The following CCM2 variants were observed in gnomAD, a reference collection of about 807,000 sequenced individuals.
The protein encoded by CCM2 is cerebral cavernous malformations 2 protein.
CCM2 carries 25 observed loss-of-function variants against 44.9 expected under a neutral mutation model. The observed-to-expected ratio is 0.56, with a 90% confidence interval of 0.41 to 0.78. The LOEUF is 0.78. CCM2 is among the 30% of genes least tolerant of loss of function. CCM2 has a pLI of 0.00. For missense variants in CCM2, 481 were observed against 580.6 expected (o/e 0.83, Z 1.76); for synonymous variants, 219 against 241.1 (o/e 0.91, Z 0.85).
chr7:45,073,094 C>G (rs1249953325), intron 7 of CCM2: 2 of 585,394 alleles, frequency 3.4e-6, no homozygotes, highest in Non-Finnish European at 6.1e-6. Context: ...CGCTGGCCTT[C>G]CAGCCCATCT....
rs1479105932 is a variant in CCM2, at chr7:45,074,120, T to C, written c.916-150T>C. The C allele has an allele frequency of 4.8e-5, 71 of 1,492,210 alleles. 2 individuals are homozygous for C. In the South Asian group the frequency reaches 8.1e-4, roughly 17 times the overall value. The allele number at this position is 1,492,210 out of a possible 1,614,324, so 92.4% of individuals were successfully genotyped here. ...CCAGGTCTGGTAGGATGGGGACACA[T>C]TGTGGTCATTCTGATGCCCCAGCCT... is the stretch of plus-strand genomic sequence containing the variant. On this transcript the variant is annotated intron_variant, in intron 8 of 9. Coordinates refer to ENST00000258781, the MANE Select transcript of CCM2 (RefSeq NM_031443.4).
intron 1 of CCM2, among the ~76,000 whole-genome samples, chr7:45,030,493 T>G (rs1187260770): frequency 6.6e-6 from 1 of 152,178 alleles, no homozygotes; most frequent in Non-Finnish European, 1.5e-5. Context: ...CTGGGTGCAG[T>G]GGTGTGATCA....
chr7:45,021,074 G>T (rs886228708), intron 1 of CCM2, among the ~76,000 whole-genome samples: 2 of 152,090 alleles, frequency 1.3e-5, no homozygotes, highest in African/African-American at 4.8e-5. Context: ...TGTGTCAGAA[G>T]GGCAGAGGTC....
chr7:45,023,236 T>G (rs1796550939), intron 1 of CCM2, among the ~76,000 whole-genome samples: 1 of 152,108 alleles, frequency 6.6e-6, no homozygotes, highest in Non-Finnish European at 1.5e-5. Context: ...CCAGACTTCT[T>G]TTTTTAAATG....
At chr7:45,020,127 T>A (rs1796427553) in intron 1 of CCM2, among the ~76,000 whole-genome samples, 1 of 152,184 alleles carries the variant, frequency 6.6e-6, no homozygotes, top group African/African-American at 2.4e-5. Flanking sequence ...GCTCCACTCC[T>A]CTGAGACTGG....
chr7:45,027,458 C>T (rs145153214), intron 1 of CCM2: 22 of 592,674 alleles, frequency 3.7e-5, no homozygotes, highest in Middle Eastern at 4.6e-4. Flanking sequence ...GTGGGGTTCG[C>T]GTGCTGTGGG....
At chr7:45,040,064 A>G (rs973519275) in intron 2 of CCM2, among the ~76,000 whole-genome samples, 2 of 151,348 alleles carry the variant, frequency 1.3e-5, no homozygotes, top group Non-Finnish European at 2.9e-5. Flanking sequence ...TTATTTATAT[A>G]TCTTTAAAAA....
intron 9 of CCM2, 35 bp downstream of exon 9, chr7:45,074,443 A>G: frequency 6.3e-7 from 1 of 1,589,138 alleles, no homozygotes. Flanking sequence ...GGCTTGTCCA[A>G]ACCTGGCTTG....
At chr7:45,021,799 T>C (rs1796492214) in intron 1 of CCM2, among the ~76,000 whole-genome samples, 1 of 152,018 alleles carries the variant, frequency 6.6e-6, no homozygotes, top group African/African-American at 2.4e-5. Flanking sequence ...GGAGTCATTG[T>C]TCCTGCTGTT....
intron 2 of CCM2, among the ~76,000 whole-genome samples, chr7:45,053,878 C>T (rs1285385185): frequency 3.9e-5 from 6 of 152,170 alleles, no homozygotes; most frequent in Non-Finnish European, 1.5e-5. Flanking sequence ...CTGAGCCTTT[C>T]GATACCTGGA....
chr7:45,022,477 T>G (rs1796520318), intron 1 of CCM2, among the ~76,000 whole-genome samples: 1 of 151,108 alleles, frequency 6.6e-6, no homozygotes, highest in Non-Finnish European at 1.5e-5. Flanking sequence ...CGGCTAATTT[T>G]TTGTATTTTT....
At chr7:45,073,263 C>G (rs527733102) in intron 7 of CCM2, 197 bp from the exon 8 acceptor site, 2 of 626,158 alleles carry the variant, frequency 3.2e-6, no homozygotes, top group South Asian at 3.6e-5. Context: ...AGCCATGCCC[C>G]CGGGGAGCCC....
intron 1 of CCM2, among the ~76,000 whole-genome samples, chr7:45,007,789 T>TG (rs150082941): frequency 0.12 from 17,503 of 152,172 alleles, 1,702 homozygotes; most frequent in African/African-American, 0.26. Flanking sequence ...CCTAAACCCG[T>TG]GGTGTCACTG....
At chr7:45,002,537 G>A (rs1010073688) in intron 1 of CCM2, among the ~76,000 whole-genome samples, 2 of 149,366 alleles carry the variant, frequency 1.3e-5, no homozygotes, top group Admixed American at 6.7e-5. Context: ...TCAGACACTT[G>A]TCTTGGTGTC....
At position 45,075,792 on chromosome 7, in the gene CCM2, T is replaced by A. The variant is rs1183997641; in HGVS notation, c.1070T>A (p.Ile357Asn). The A allele has an allele frequency of 6.2e-7, 1 of 1,613,510 alleles. No homozygotes were observed. Among genetic ancestry groups the A allele is most frequent in the Non-Finnish European group, 8.5e-7 (1 of 1,180,012 alleles). The change falls in exon 10 of 10, where the codon ATC (isoleucine) becomes AAC (asparagine). Residue 357 changes from isoleucine (I) to asparagine (N), a missense_variant. Coordinates refer to ENST00000258781, the MANE Select transcript of CCM2 (RefSeq NM_031443.4). ...KFLLLGLRPF[I>N]PEKDSQHFEN... ...GTGTCTGCAGGTCTGAGGCCCTTCATCCCTGAGAAGGACAGCCAGCACTTC... is the reference window on the plus strand; with the variant it reads ...GTGTCTGCAGGTCTGAGGCCCTTCAACCCTGAGAAGGACAGCCAGCACTTC...
In CCM2 at chr7:45,076,303, T is replaced by G; in HGVS notation, c.*246T>G. On this transcript the variant is annotated 3_prime_UTR_variant, in exon 10 of 10. Transcript: ENST00000258781. The stretch of plus-strand genomic sequence containing the variant: ...CAGGGCTCAGCCAAGCCCTGCAGTG[T>G]GTCCCCGCTCGGGGAGGGCCCGGCC... 1 of 677,620 alleles carries G rather than the reference T, an allele frequency of 1.5e-6. No individual in the cohort carries two copies. Among genetic ancestry groups the G allele is most frequent in the East Asian group, 2.9e-5 (1 of 34,206 alleles). The allele number at this position is 677,620 out of a possible 1,614,324, so 42.0% of individuals were successfully genotyped here. A position where few individuals can be genotyped will look rare whatever the true frequency, so the allele number is the denominator to read the frequency against.
chr7:45,073,949 A>G (rs553282259), intron 8 of CCM2: 180 of 530,086 alleles, frequency 3.4e-4, no homozygotes, highest in African/African-American at 3.3e-3. Context: ...GCCTGTGTGT[A>G]GCCTAAGGGC....
At chr7:45,041,760 G>T (rs980870392) in intron 2 of CCM2, among the ~76,000 whole-genome samples, 2 of 152,158 alleles carry the variant, frequency 1.3e-5, no homozygotes, top group East Asian at 3.9e-4. Context: ...TCCCTGTTGG[G>T]CAGTAACAAA....
chr7:45,069,699 A>C, intron 5 of CCM2, 127 bp from the exon 6 acceptor site: 1 of 1,225,900 alleles, frequency 8.2e-7, no homozygotes, highest in Non-Finnish European at 1.2e-6. Context: ...GCAGAGGGAC[A>C]CATTCTGGTA....
Sources: gnomAD v4.1 joint callset for allele counts (sites outside exome capture counted in the v4.1 genomes callset) on GRCh38, gnomAD v4.1.1 for gene constraint, MANE v1.5 for transcripts, NCBI Gene and HGNC (gene_info 2026-07-23, HGNC 2026-07-21) for gene names.